IL1RL1: variants seen among roughly 807,000 people sequenced by gnomAD.
The protein encoded by IL1RL1 is interleukin 1 receptor like 1, also known as interleukin-1 receptor-like 1.
Under a neutral mutation model 50.9 loss-of-function variants are expected in IL1RL1, and 32 were observed. That is an observed-to-expected ratio of 0.63 (90% CI 0.47 to 0.84). The LOEUF is 0.84. Among genes scored for constraint, IL1RL1 ranks in the 40% least tolerant of loss-of-function variants. The pLI, the probability that IL1RL1 is intolerant of heterozygous loss-of-function variation, is 0.00. For synonymous variants in IL1RL1, 275 were observed against 236.0 expected (o/e 1.17, Z -1.51); for missense variants, 773 against 662.9 (o/e 1.17, Z -1.82).
chr2:102,343,335 T>C lies in IL1RL1; in HGVS notation c.890T>C (p.Leu297Ser), dbSNP rs140301260. Residue 297 changes from leucine (L) to serine (S), a missense_variant, in exon 8 of 11, where the codon TTA (leucine) becomes TCA (serine). Transcript: ENST00000233954. The part of the protein sequence containing the change: ...LRIADVKEED[L>S]LLQYDCLALN... ...ATAGCTGACGTGAAGGAAGAGGATTTATTGCTGCAGTACGACTGTCTGGCC... is the reference window on the plus strand; with the variant it reads ...ATAGCTGACGTGAAGGAAGAGGATTCATTGCTGCAGTACGACTGTCTGGCC... The C allele has an allele frequency of 6.2e-7, 1 of 1,614,092 alleles. No individual in the cohort carries two copies. Among genetic ancestry groups the C allele is most frequent in the African/African-American group, 1.3e-5 (1 of 74,936 alleles).
Position 102,338,177 on chromosome 2 carries a change from TGG to T in IL1RL1, c.-87_-86del. On this transcript the variant is annotated 5_prime_UTR_variant, in exon 2 of 11. An upstream open reading frame in the 5' UTR gains an earlier in-frame stop. Transcript: ENST00000233954. ...AGAGTATCACCAACTGCCTCATGTGTGGTGACCTTCACTGTCGTATGCCAGTG... is the reference window on the plus strand; with the variant it reads ...AGAGTATCACCAACTGCCTCATGTGTTGACCTTCACTGTCGTATGCCAGTG... 1 of 774,818 alleles carries T rather than the reference TGG, an allele frequency of 1.3e-6. No individual in the cohort carries two copies. Among genetic ancestry groups the T allele is most frequent in the Non-Finnish European group, 2.2e-6 (1 of 451,250 alleles). The allele number at this position is 774,818 out of a possible 1,614,324, so 48.0% of individuals were successfully genotyped here. A position where few individuals can be genotyped will look rare whatever the true frequency, so the allele number is the denominator to read the frequency against.
intron 1 of IL1RL1, among the ~76,000 whole-genome samples, chr2:102,324,548 C>T (rs1040595635): frequency 1.3e-4 from 20 of 152,120 alleles, no homozygotes; most frequent in African/African-American, 3.4e-4. Flanking sequence ...CAAAGCAGGG[C>T]GAGGCATCGC....
At chr2:102,320,624 C>A (rs564147394) in intron 1 of IL1RL1, among the ~76,000 whole-genome samples, 2 of 152,068 alleles carry the variant, frequency 1.3e-5, no homozygotes, top group African/African-American at 4.8e-5. Flanking sequence ...AAACCTATAC[C>A]ACCTGCCATT....
At chr2:102,326,945 C>T (rs972902218) in intron 1 of IL1RL1, among the ~76,000 whole-genome samples, 96 of 152,220 alleles carry the variant, frequency 6.3e-4, no homozygotes, top group African/African-American at 2.1e-3. Context: ...GACAGATCAA[C>T]GAGACAGAAA....
chr2:102,341,246 G>A, intron 5 of IL1RL1: 1 of 1,238,338 alleles, frequency 8.1e-7, no homozygotes, highest in South Asian at 1.5e-5. Context: ...ATACTCATTG[G>A]ATTCAAAGTC....
intron 5 of IL1RL1, among the ~76,000 whole-genome samples, chr2:102,341,686 A>G (rs1187473375): frequency 2.0e-5 from 3 of 152,184 alleles, no homozygotes; most frequent in Non-Finnish European, 4.4e-5. Context: ...CATTAAATAA[A>G]TGAGCATGAA....
rs1033599729 is a variant in IL1RL1 at position 102,339,136 on chromosome 2, C to T, written c.272+89C>T. 1.9e-5 allele frequency: 16 copies of T among 849,286 alleles called. No individual in the cohort carries two copies. The South Asian group carries it at 2.0e-4, about 11-fold the overall frequency. 52.6% of individuals were successfully genotyped at this position (849,286 alleles called of 1,614,324 possible). ...TGAGCTGCCCTTGCTTTCATTCCTTCCCTAGTCCTTTCTGGAACAGTTAAA... is the reference window on the plus strand; with the variant it reads ...TGAGCTGCCCTTGCTTTCATTCCTTTCCTAGTCCTTTCTGGAACAGTTAAA... On this transcript the variant is annotated intron_variant, in intron 3 of 10. Coordinates refer to ENST00000233954, the MANE Select transcript of IL1RL1 (RefSeq NM_016232.5).
At chr2:102,311,987 A>AT (rs1676514267) in intron 1 of IL1RL1, among the ~76,000 whole-genome samples, 1 of 43,002 alleles carries the variant, frequency 2.3e-5, no homozygotes, top group African/African-American at 1.6e-4. Context: ...TATAATATAT[A>AT]TTATATATAA....
intron 1 of IL1RL1, among the ~76,000 whole-genome samples, chr2:102,324,559 T>C (rs11675988): frequency 0.48 from 72,467 of 151,760 alleles, 17,552 homozygotes; most frequent in Middle Eastern, 0.64. Context: ...GAGGCATCGC[T>C]TCACCCAGGA....
At chr2:102,332,149 T>C (rs1486436143) in intron 1 of IL1RL1, among the ~76,000 whole-genome samples, 2 of 152,164 alleles carry the variant, frequency 1.3e-5, no homozygotes, top group African/African-American at 2.4e-5. Context: ...GCTATATCAA[T>C]AGACAAAACT....
intron 1 of IL1RL1, chr2:102,312,799 CT>C (rs1676556166): frequency 6.6e-6 from 1 of 152,094 alleles, no homozygotes; most frequent in South Asian, 2.1e-4. Flanking sequence ...TGGCTCCATT[CT>C]TCTTCTCTCT....
chr2:102,340,828 G>A lies in IL1RL1; in HGVS notation c.610G>A (p.Asp204Asn). The change falls in exon 5 of 11, where the codon GAT becomes AAT. Residue 204 changes from aspartate (D) to asparagine (N), a missense_variant and splice_region_variant. Coordinates refer to ENST00000233954, the MANE Select transcript of IL1RL1 (RefSeq NM_016232.5). ...VTATRSFTVK[D>N]EQGFSLFPVI... Reference sequence around the variant, plus strand: ...GGCGACCAGGTCCTTCACGGTCAAGGGTAAGCTACTGACATTAATGAGATA... The same window carrying A: ...GGCGACCAGGTCCTTCACGGTCAAGAGTAAGCTACTGACATTAATGAGATA... 1.3e-6 allele frequency: 2 copies of A among 1,568,182 alleles called. No individual in the cohort carries two copies. Among genetic ancestry groups the A allele is most frequent in the Admixed American group, 2.2e-5 (1 of 46,028 alleles).
At chr2:102,345,435 G>A (rs887309450) in intron 8 of IL1RL1, 1 of 985,220 alleles carries the variant, frequency 1.0e-6, no homozygotes, top group African/African-American at 1.7e-5. Context: ...ACTCCTCAGG[G>A]GCTGTACAAT....
chr2:102,347,506 C>T (rs944389309), intron 8 of IL1RL1, among the ~76,000 whole-genome samples: 3 of 152,212 alleles, frequency 2.0e-5, no homozygotes, highest in African/African-American at 7.2e-5. Context: ...AGAAAACACA[C>T]TTCCTCTCTG....
intron 1 of IL1RL1, among the ~76,000 whole-genome samples, chr2:102,325,824 C>A (rs1333447888): frequency 2.0e-5 from 3 of 152,170 alleles, no homozygotes; most frequent in Non-Finnish European, 4.4e-5. Flanking sequence ...AGGAAACGAA[C>A]AAAGTCTCCA....
At chr2:102,345,143 G>C in intron 8 of IL1RL1, 1 of 890,902 alleles carries the variant, frequency 1.1e-6, no homozygotes, top group African/African-American at 1.8e-5. Context: ...CTGTCTACAA[G>C]TCATTGTGCT....
At chr2:102,347,924 C>A (rs747592690) in intron 8 of IL1RL1, 21 bp from the exon 9 acceptor site, 118 of 1,383,148 alleles carry the variant, frequency 8.5e-5, no homozygotes, top group Non-Finnish European at 1.2e-4. Context: ...TAATAATAAT[C>A]TTTTTCTTTC....
rs957360729 is a variant in IL1RL1 at position 102,340,244 on chromosome 2, A to G, written c.419A>G (p.Asn140Ser). 1 of 1,599,738 alleles carries G rather than the reference A, an allele frequency of 6.3e-7. No homozygotes were observed. The highest frequency in any genetic ancestry group is 1.3e-5 in the African/African-American group (1 of 74,118). ...TATTGTCCTACCATTGACCTCTACA[A>G]CTGGACAGCACCTCTTGAGTGGTTT... ...KIYCPTIDLYNWTAPLEWFKN... is the reference protein window; with the variant it reads ...KIYCPTIDLYSWTAPLEWFKN... Residue 140 changes from asparagine to serine, a missense_variant, in exon 4 of 11, where the codon AAC (asparagine) becomes AGC (serine). By Grantham distance (46) the Asn-to-Ser change is conservative. Coordinates refer to ENST00000233954, the MANE Select transcript of IL1RL1 (RefSeq NM_016232.5).
At chr2:102,333,359 A>T (rs1677225511) in intron 1 of IL1RL1, among the ~76,000 whole-genome samples, 1 of 152,134 alleles carries the variant, frequency 6.6e-6, no homozygotes, top group African/African-American at 2.4e-5. Flanking sequence ...GTCCTGATGG[A>T]TTGCATGTTC....
Sources: allele counts gnomAD v4.1 joint callset (sites outside exome capture counted in the v4.1 genomes callset), GRCh38; gene constraint gnomAD v4.1.1; transcripts MANE v1.5; gene names NCBI Gene and HGNC (gene_info 2026-07-23, HGNC 2026-07-21).